C12orf43: variants seen among roughly 807,000 people sequenced by gnomAD.
C12orf43 encodes chromosome 12 open reading frame 43.
C12orf43 carries 15 observed loss-of-function variants against 20.6 expected under a neutral mutation model. That is an observed-to-expected ratio of 0.73 (90% confidence interval 0.49 to 1.12). C12orf43 has a LOEUF of 1.12. Ranked by LOEUF, C12orf43 falls within the 50% of genes most tolerant of loss-of-function variation. The probability of loss-of-function intolerance (pLI) is 0.00; values close to 1 mark genes in which losing one functional copy is unlikely to be tolerated. For missense variants in C12orf43, 334 were observed against 344.4 expected, an observed-to-expected ratio of 0.97 and a Z score of 0.24; for synonymous variants, 144 against 130.8, an observed-to-expected ratio of 1.10 and a Z score of -0.69.
At chr12:121,010,150 A>G (rs977232762) in intron 3 of C12orf43, among the ~76,000 whole-genome samples, 1 of 152,174 alleles carries the variant, frequency 6.6e-6, no homozygotes, top group Non-Finnish European at 1.5e-5. Flanking sequence ...AAAAATACAA[A>G]AATTAGCCTG....
chr12:121,001,976 G>A lies in C12orf43; in HGVS notation c.*2177C>T, dbSNP rs551229959. On this transcript the variant is annotated 3_prime_UTR_variant, in exon 6 of 6. Transcript: ENST00000288757. ...CCTCTACTGGGAAGGCTACTTCGGG[G>A]CTGGGAAGTCGTCCTTACTCCTGTG... The A allele has an allele frequency of 5.6e-6, 3 of 534,920 alleles. No individual in the cohort carries two copies. The East Asian group carries it at 1.2e-4, about 21-fold the overall frequency. 33.1% of individuals were successfully genotyped at this position (534,920 alleles called of 1,614,324 possible). A position where few individuals can be genotyped will look rare whatever the true frequency, so the allele number is the denominator to read the frequency against.
At chr12:121,008,715 T>C (rs187802275) in intron 3 of C12orf43, among the ~76,000 whole-genome samples, 2 of 152,350 alleles carry the variant, frequency 1.3e-5, no homozygotes, top group East Asian at 1.9e-4. Flanking sequence ...CTCAGAAGAA[T>C]AGCTGGTTCA....
intron 1 of C12orf43, among the ~76,000 whole-genome samples, chr12:121,014,896 A>C (rs1020516634): frequency 6.6e-6 from 1 of 151,718 alleles, no homozygotes; most frequent in Admixed American, 6.6e-5. Flanking sequence ...TCATCTGAGT[A>C]GGGGGAGGTC....
At position 121,004,963 on chromosome 12, in the gene C12orf43, G is replaced by GA; in HGVS notation, c.452+39dup. ...GGGAACCCACCAAGACAGAAGAGGAGAAAAAAGGAGGGGACGTGAGGAGAG... is the reference window on the plus strand; with the variant it reads ...GGGAACCCACCAAGACAGAAGAGGAGAAAAAAAGGAGGGGACGTGAGGAGAG... On this transcript the variant is annotated intron_variant, in intron 5 of 5. Coordinates refer to ENST00000288757, the MANE Select transcript of C12orf43 (RefSeq NM_022895.3). The surrounding 1 kb of genome is among the most constrained non-coding windows in gnomAD (Gnocchi z 5.6). The GA allele has an allele frequency of 2.1e-6, 3 of 1,415,406 alleles. No homozygotes were observed. The highest frequency in any genetic ancestry group is 1.5e-5 in the African/African-American group (1 of 68,200). The allele number at this position is 1,415,406 out of a possible 1,614,324, so 87.7% of individuals were successfully genotyped here. A position where few individuals can be genotyped will look rare whatever the true frequency, so the allele number is the denominator to read the frequency against.
rs1240358877 is a variant in C12orf43 at position 121,000,927 on chromosome 12, T to G, written c.*3226A>C. The G allele has an allele frequency of 1.6e-6, 2 of 1,231,728 alleles. No individual in the cohort carries two copies. 76.3% of individuals were successfully genotyped at this position (1,231,728 alleles called of 1,614,324 possible). A position where few individuals can be genotyped will look rare whatever the true frequency, so the allele number is the denominator to read the frequency against. Reference sequence around the variant, plus strand: ...CTTTGAAGAACCGAGGGTAGAGGTGTGACTTTGGGGTTCCTGTTATCTGCT... The same window carrying G: ...CTTTGAAGAACCGAGGGTAGAGGTGGGACTTTGGGGTTCCTGTTATCTGCT... On this transcript the variant is annotated 3_prime_UTR_variant, in exon 6 of 6. Coordinates refer to ENST00000288757, the MANE Select transcript of C12orf43 (RefSeq NM_022895.3).
intron 1 of C12orf43, chr12:121,012,564 G>C: frequency 1.4e-6 from 1 of 692,294 alleles, no homozygotes; most frequent in Admixed American, 2.0e-5. Context: ...TTTTAAGATG[G>C]AGTCAAGGCC....
At position 121,005,168 on chromosome 12, in the gene C12orf43, A is replaced by G. The variant is rs1333754410; in HGVS notation, c.362-75T>C. 7 of 873,448 alleles carry G rather than the reference A, an allele frequency of 8.0e-6. No homozygotes were observed. Among genetic ancestry groups the G allele is most frequent in the Non-Finnish European group, 1.1e-5 (7 of 646,906 alleles). The allele number at this position is 873,448 out of a possible 1,614,324, so 54.1% of individuals were successfully genotyped here. ...AAACATAAAAAAATAAAAAATAAAG[A>G]AACAAAAAAGAAAAAAATTTTAAAA... On this transcript the variant is annotated intron_variant, in intron 4 of 5. Transcript: ENST00000288757. This position sits in a 1 kb window ranked among gnomAD's most constrained non-coding sequence, Gnocchi z 5.6.
intron 1 of C12orf43, chr12:121,012,366 G>A: frequency 1.4e-6 from 1 of 702,130 alleles, no homozygotes; most frequent in South Asian, 1.5e-5. Context: ...GTGGGCCAAT[G>A]GGAGGACCTG....
chr12:121,002,249 G>GTATATTCACAAATGCAGACAAAGAAAATT lies in C12orf43; in HGVS notation c.*1903_*1904insAATTTTCTTTGTCTGCATTTGTGAATATA. 2.3e-6 allele frequency: 1 copy of GTATATTCACAAATGCAGACAAAGAAAATT among 440,838 alleles called. No homozygotes were observed. The highest frequency in any genetic ancestry group is 2.0e-5 in the South Asian group (1 of 49,420). 27.3% of individuals were successfully genotyped at this position (440,838 alleles called of 1,614,324 possible). ...ACTCAGAAGCCTGGGGGCCTGGCTG[G>GTATATTCACAAATGCAGACAAAGAAAATT]CTGAGGGCAGTTCGCAGCCACCCTG... On this transcript the variant is annotated 3_prime_UTR_variant, in exon 6 of 6. Coordinates refer to ENST00000288757, the MANE Select transcript of C12orf43 (RefSeq NM_022895.3).
chr12:121,007,005 G>C (rs557410615), intron 3 of C12orf43: 1 of 152,910 alleles, frequency 6.5e-6, no homozygotes, highest in Non-Finnish European at 1.5e-5. Context: ...AAGGGCAAGA[G>C]GAACAGAAAG....
chr12:121,006,984 C>T (rs1322321859), intron 3 of C12orf43: 1 of 153,890 alleles, frequency 6.5e-6, no homozygotes, highest in Non-Finnish European at 1.4e-5. Context: ...TCAAATAGGA[C>T]AAAGAGATAT....
chr12:121,009,925 C>T (rs1878316644), intron 3 of C12orf43, among the ~76,000 whole-genome samples: 1 of 152,210 alleles, frequency 6.6e-6, no homozygotes, highest in South Asian at 2.1e-4. Flanking sequence ...GGAACACGGT[C>T]CTTCCTTGCC....
intron 1 of C12orf43, among the ~76,000 whole-genome samples, chr12:121,013,091 C>A (rs1868546528): frequency 6.6e-6 from 1 of 152,152 alleles, no homozygotes; most frequent in Non-Finnish European, 1.5e-5. Context: ...TATGTCATCA[C>A]CCATACACAT....
At chr12:121,014,877 G>A (rs1245506980) in intron 1 of C12orf43, among the ~76,000 whole-genome samples, 1 of 152,024 alleles carries the variant, frequency 6.6e-6, no homozygotes, top group Non-Finnish European at 1.5e-5. Flanking sequence ...GGAGGCTGAG[G>A]TGGGAGGATC....
intron 3 of C12orf43, among the ~76,000 whole-genome samples, chr12:121,008,663 C>T (rs1228819986): frequency 6.6e-6 from 1 of 152,222 alleles, no homozygotes; most frequent in Non-Finnish European, 1.5e-5. Context: ...TGAGGGGAAC[C>T]CTGTGGGATT....
intron 1 of C12orf43, among the ~76,000 whole-genome samples, chr12:121,011,555 C>T (rs1216112215): frequency 6.6e-6 from 1 of 151,800 alleles, no homozygotes; most frequent in African/African-American, 2.4e-5. Flanking sequence ...CTCAGTGAAT[C>T]TTCCCAACAA....
Position 121,006,271 on chromosome 12 carries a change from C to G in C12orf43, c.361+50G>C, listed in dbSNP as rs1878012637. 4 of 1,496,220 alleles carry G rather than the reference C, an allele frequency of 2.7e-6. No individual in the cohort carries two copies. In the East Asian group the frequency reaches 9.1e-5, roughly 34 times the overall value. The allele number at this position is 1,496,220 out of a possible 1,614,324, so 92.7% of individuals were successfully genotyped here. On this transcript the variant is annotated intron_variant, in intron 4 of 5. Transcript: ENST00000288757. ...AAACTGTTTCGCCCACCTCCAGACA[C>G]ACATTAGGTGCTTAATAAATGATAG...
intron 1 of C12orf43, among the ~76,000 whole-genome samples, chr12:121,015,203 T>C (rs1338239246): frequency 1.3e-5 from 2 of 151,964 alleles, no homozygotes; most frequent in Non-Finnish European, 2.9e-5. Context: ...GCTAATGAGA[T>C]GGAAAGGCAG....
At position 121,004,089 on chromosome 12, in the gene C12orf43, G is replaced by A. The variant is rs756905951; in HGVS notation, c.*64C>T. The A allele has an allele frequency of 1.9e-6, 3 of 1,552,074 alleles. No homozygotes were observed. Among genetic ancestry groups the A allele is most frequent in the Non-Finnish European group, 2.7e-6 (3 of 1,123,976 alleles). Reference sequence around the variant, plus strand: ...GGGAGGTGGGGCTTGGAAATGCCTTGTCCCCAGGGTGGGGGGGACACCTTG... The same window carrying A: ...GGGAGGTGGGGCTTGGAAATGCCTTATCCCCAGGGTGGGGGGGACACCTTG... On this transcript the variant is annotated 3_prime_UTR_variant, in exon 6 of 6. Transcript: ENST00000288757. The surrounding 1 kb of genome is among the most constrained non-coding windows in gnomAD (Gnocchi z 5.6).
Sources: allele counts gnomAD v4.1 joint callset (sites outside exome capture counted in the v4.1 genomes callset), GRCh38; gene constraint gnomAD v4.1.1; non-coding constraint Gnocchi (gnomAD v3.1); transcripts MANE v1.5; gene names NCBI Gene and HGNC (gene_info 2026-07-23, HGNC 2026-07-21).